The following PDCD6IP variants were observed in gnomAD, a reference collection of about 807,000 sequenced individuals.
PDCD6IP encodes programmed cell death 6 interacting protein.
In PDCD6IP, 43 loss-of-function variants were observed where a neutral mutation model predicts 103.7. The ratio of observed to expected loss-of-function variants is 0.41; its 90% CI spans 0.32 to 0.53. The LOEUF is 0.53. PDCD6IP is among the 20% of genes least tolerant of loss of function. PDCD6IP has a pLI of 0.16. For synonymous variants in PDCD6IP, 354 were observed against 378.7 expected (o/e 0.93, Z 0.76); for missense variants, 871 against 1,036.7 (o/e 0.84, Z 2.20).
At chr3:33,799,013 C>G in intron 1 of PDCD6IP, 76 bp downstream of exon 1, 1 of 1,322,858 alleles carries the variant, frequency 7.6e-7, no homozygotes, top group East Asian at 2.5e-5. Flanking sequence ...TCCCCCCTTC[C>G]TTCAATCCTG....
intron 3 of PDCD6IP, 101 bp from the exon 4 acceptor site, chr3:33,821,854 A>T: frequency 8.9e-7 from 1 of 1,117,754 alleles, no homozygotes. Flanking sequence ...TGTTTTTGTG[A>T]GAGTCAGCGG....
rs958329402 is a variant in PDCD6IP at position 33,867,245 on chromosome 3, A to G, written c.*720A>G. 3.3e-5 allele frequency: 5 copies of G among 152,234 alleles called. No individual in the cohort carries two copies. Among genetic ancestry groups the G allele is most frequent in the Non-Finnish European group, 7.4e-5 (5 of 68,026 alleles). 9.4% of individuals were successfully genotyped at this position (152,234 alleles called of 1,614,324 possible). ...ATTTTAGAAAGTCCTATAATGTGGAAGAAACAAACAGTTGCTACCAAAGAT... is the reference window on the plus strand; with the variant it reads ...ATTTTAGAAAGTCCTATAATGTGGAGGAAACAAACAGTTGCTACCAAAGAT... On this transcript the variant is annotated 3_prime_UTR_variant, in exon 18 of 18. Coordinates refer to ENST00000307296, the MANE Select transcript of PDCD6IP (RefSeq NM_013374.6).
intron 10 of PDCD6IP, among the ~76,000 whole-genome samples, chr3:33,843,543 G>A (rs1273648223): frequency 6.6e-6 from 1 of 152,146 alleles, no homozygotes; most frequent in Admixed American, 6.5e-5. Context: ...TTTACTCTGT[G>A]GTGTTTGACA....
intron 12 of PDCD6IP, among the ~76,000 whole-genome samples, chr3:33,847,590 C>G (rs1697622244): frequency 6.6e-6 from 1 of 152,096 alleles, no homozygotes; most frequent in Non-Finnish European, 1.5e-5. Context: ...TAGAGTGATG[C>G]AAATGTACAT....
intron 1 of PDCD6IP, among the ~76,000 whole-genome samples, chr3:33,810,061 AT>A (rs528598093): frequency 1.5e-3 from 230 of 152,274 alleles, no homozygotes; most frequent in African/African-American, 5.4e-3. Flanking sequence ...ATTAGTAAAT[AT>A]TTTGTGGGGA....
At chr3:33,851,096 C>G (rs1697703334) in intron 12 of PDCD6IP, among the ~76,000 whole-genome samples, 2 of 152,068 alleles carry the variant, frequency 1.3e-5, no homozygotes, top group Non-Finnish European at 2.9e-5. Flanking sequence ...TATCAAGGAG[C>G]TAACTAAGAC....
At chr3:33,813,492 G>T (rs1421214057) in intron 2 of PDCD6IP, 67 bp from the exon 3 acceptor site, 2 of 961,916 alleles carry the variant, frequency 2.1e-6, no homozygotes, top group Admixed American at 4.8e-5. Flanking sequence ...TTTCTTCAAA[G>T]AAGACTTAAT....
rs1697998605 is a variant in PDCD6IP at position 33,863,545 on chromosome 3, T to TTA, written c.2121-459_2121-458dup. On this transcript the variant is annotated intron_variant, in intron 15 of 17. Transcript: ENST00000307296. ...TCTTTCTGTGCCTGGCTTATTTCAC[T>TTA]TATCATGATGGCCTCCAGTTCCATC... 2.6e-5 allele frequency among the ~76,000 whole-genome samples: 4 copies of TTA among 152,234 alleles called. No individual in the cohort carries two copies. In the South Asian group the frequency reaches 8.3e-4, roughly 31 times the overall value.
intron 9 of PDCD6IP, among the ~76,000 whole-genome samples, chr3:33,840,280 A>G (rs1297543627): frequency 2.0e-5 from 3 of 152,236 alleles, no homozygotes; most frequent in Non-Finnish European, 4.4e-5. Flanking sequence ...ATGGAAATGG[A>G]TCATCATAAA....
At chr3:33,856,613 A>G (rs1416846226) in intron 15 of PDCD6IP, among the ~76,000 whole-genome samples, 3 of 152,152 alleles carry the variant, frequency 2.0e-5, no homozygotes, top group Non-Finnish European at 4.4e-5. Flanking sequence ...TTAAGTGAAG[A>G]TTGTTGAAAG....
intron 1 of PDCD6IP, among the ~76,000 whole-genome samples, chr3:33,802,282 C>T (rs1035218210): frequency 3.9e-5 from 6 of 152,004 alleles, no homozygotes; most frequent in South Asian, 2.1e-4. Flanking sequence ...TATATGTTAC[C>T]GGCCATTTTG....
intron 3 of PDCD6IP, among the ~76,000 whole-genome samples, chr3:33,813,974 G>A (rs1192072778): frequency 1.3e-5 from 2 of 152,182 alleles, no homozygotes; most frequent in Admixed American, 6.5e-5. Flanking sequence ...CAATGTTTGA[G>A]TTAGGCCTTG....
chr3:33,863,552 G>C (rs1697999169), intron 15 of PDCD6IP, among the ~76,000 whole-genome samples: 1 of 152,098 alleles, frequency 6.6e-6, no homozygotes, highest in Admixed American at 6.6e-5. Flanking sequence ...CACTTATCAT[G>C]ATGGCCTCCA....
At chr3:33,853,784 T>A in intron 13 of PDCD6IP, 95 bp from the exon 14 acceptor site, 2 of 1,073,106 alleles carry the variant, frequency 1.9e-6, no homozygotes, top group Non-Finnish European at 1.2e-6. Context: ...TTTAATTACA[T>A]ATGATTTTCA....
Position 33,867,580 on chromosome 3 carries a change from C to G in PDCD6IP, c.*1055C>G, listed in dbSNP as rs1008530322. ...AGTATTTTATAATTCAAGGAGCATA[C>G]AAAACAATGGTTGGGAACATATGCC... On this transcript the variant is annotated 3_prime_UTR_variant, in exon 18 of 18. Coordinates refer to ENST00000307296, the MANE Select transcript of PDCD6IP (RefSeq NM_013374.6). 2.0e-5 allele frequency: 3 copies of G among 151,944 alleles called. No homozygotes were observed. The highest frequency in any genetic ancestry group is 7.3e-5 in the African/African-American group (3 of 41,338). The allele number at this position is 151,944 out of a possible 1,614,324, so 9.4% of individuals were successfully genotyped here. A position where few individuals can be genotyped will look rare whatever the true frequency, so the allele number is the denominator to read the frequency against.
At chr3:33,824,289 G>A (rs556915288) in intron 4 of PDCD6IP, among the ~76,000 whole-genome samples, 161 of 142,348 alleles carry the variant, frequency 1.1e-3, no homozygotes, top group Non-Finnish European at 1.1e-3. Context: ...ATGGAGTCTC[G>A]CTCTGTTGCC....
At chr3:33,813,387 T>G in intron 2 of PDCD6IP, 172 bp from the exon 3 acceptor site, 1 of 492,832 alleles carries the variant, frequency 2.0e-6, no homozygotes, top group East Asian at 3.2e-5. Context: ...GTATTTTACT[T>G]TTTTTAGATT....
intron 15 of PDCD6IP, among the ~76,000 whole-genome samples, chr3:33,858,197 T>G (rs1697871105): frequency 6.6e-6 from 1 of 152,106 alleles, no homozygotes; most frequent in South Asian, 2.1e-4. Flanking sequence ...GGATAAAATA[T>G]AAAATATAAG....
chr3:33,864,211 A>C (rs1429504014), intron 16 of PDCD6IP, 82 bp downstream of exon 16: 3 of 875,242 alleles, frequency 3.4e-6, no homozygotes, highest in East Asian at 5.3e-5. Context: ...CATGATTTAC[A>C]TAGGAAGGAT....
Sources: gnomAD v4.1 joint callset for allele counts (sites outside exome capture counted in the v4.1 genomes callset) on GRCh38, gnomAD v4.1.1 for gene constraint, MANE v1.5 for transcripts, NCBI Gene and HGNC (gene_info 2026-07-23, HGNC 2026-07-21) for gene names.